CNTLN: variants seen among roughly 807,000 people sequenced by gnomAD.
CNTLN encodes the protein centlein, centrosomal protein.
CNTLN carries 212 observed loss-of-function variants against 180.0 expected under a neutral mutation model. The observed-to-expected ratio is 1.18, with a 90% confidence interval of 1.05 to 1.32. The LOEUF (loss-of-function observed/expected upper bound fraction) is 1.32. Ranked by LOEUF, CNTLN falls within the 40% of genes most tolerant of loss-of-function variation. The pLI, the probability that CNTLN is intolerant of heterozygous loss-of-function variation, is 0.00. For synonymous variants in CNTLN, 722 were observed against 563.1 expected (o/e 1.28, Z -3.99); for missense variants, 2,095 against 1,610.9 (o/e 1.30, Z -5.14).
intron 2 of CNTLN, among the ~76,000 whole-genome samples, chr9:17,177,148 G>A (rs531872077): frequency 9.2e-4 from 140 of 152,142 alleles, no homozygotes; most frequent in African/African-American, 3.2e-3. Flanking sequence ...GGTGGCTCAC[G>A]CCTGTAATCC....
intron 2 of CNTLN, among the ~76,000 whole-genome samples, chr9:17,150,912 G>C (rs754389513): frequency 6.6e-6 from 1 of 152,074 alleles, no homozygotes; most frequent in East Asian, 1.9e-4. Flanking sequence ...CTTAGTAGCA[G>C]TTGTGAATGG....
At chr9:17,477,391 A>T (rs145007856) in intron 23 of CNTLN, among the ~76,000 whole-genome samples, 145 of 152,324 alleles carry the variant, frequency 9.5e-4, no homozygotes, top group African/African-American at 3.0e-3. Flanking sequence ...TACATTTCAC[A>T]AGGCATAGCT....
chr9:17,463,544 G>A (rs1246437579), intron 20 of CNTLN, among the ~76,000 whole-genome samples: 3 of 151,554 alleles, frequency 2.0e-5, no homozygotes, highest in African/African-American at 7.3e-5. Context: ...ATAGTAAGAT[G>A]TTTAGATAGA....
At chr9:17,490,130 A>G (rs1440614319) in intron 25 of CNTLN, among the ~76,000 whole-genome samples, 1 of 152,128 alleles carries the variant, frequency 6.6e-6, no homozygotes, top group African/African-American at 2.4e-5. Context: ...AAATTATAAA[A>G]GCTTTTGAGC....
In CNTLN at chr9:17,342,546, A is replaced by T. The variant is rs1821567669; in HGVS notation, c.1886+102A>T. 3 of 1,099,064 alleles carry T rather than the reference A, an allele frequency of 2.7e-6. 1 individual carries two copies. Among genetic ancestry groups the T allele is most frequent in the Non-Finnish European group, 3.8e-6 (3 of 789,290 alleles). The allele number at this position is 1,099,064 out of a possible 1,614,324, so 68.1% of individuals were successfully genotyped here. ...AGAAACACTTTATAAAATTTGAAATAATCTGATTTTTGCCAATAAAAGTAA... is the reference window on the plus strand; with the variant it reads ...AGAAACACTTTATAAAATTTGAAATTATCTGATTTTTGCCAATAAAAGTAA... On this transcript the variant is annotated intron_variant, in intron 12 of 25. Transcript: ENST00000380647.
At chr9:17,359,725 C>CAAAAAAAAAAAAAAAAAAAAAA (rs1176814681) in intron 12 of CNTLN, among the ~76,000 whole-genome samples, 3 of 21,332 alleles carry the variant, frequency 1.4e-4, no homozygotes, top group Non-Finnish European at 3.0e-4. Flanking sequence ...ACTAAAAATA[C>CAAAAAAAAAAAAAAAAAAAAAA]AAAAAAAAAA....
chr9:17,337,237 A>C (rs1821111909), intron 10 of CNTLN, among the ~76,000 whole-genome samples: 1 of 152,208 alleles, frequency 6.6e-6, no homozygotes, highest in East Asian at 1.9e-4. Context: ...AGATTGCAAA[A>C]AATTTTTTCC....
chr9:17,307,958 G>C (rs533376908), intron 7 of CNTLN, among the ~76,000 whole-genome samples: 1 of 145,028 alleles, frequency 6.9e-6, no homozygotes, highest in Admixed American at 7.0e-5. Flanking sequence ...AGATTTTACT[G>C]TTAGCCTTTA....
At position 17,366,649 on chromosome 9, in the gene CNTLN, A is replaced by AAGT; in HGVS notation, c.1921_1923dup (p.Val641dup). 1 of 1,571,794 alleles carries AAGT rather than the reference A, an allele frequency of 6.4e-7. No homozygotes were observed. The highest frequency in any genetic ancestry group is 1.7e-5 in the Admixed American group (1 of 57,752). On this transcript the variant is annotated inframe_insertion, in exon 13 of 26. Coordinates refer to ENST00000380647, the MANE Select transcript of CNTLN (RefSeq NM_017738.4). The stretch of plus-strand genomic sequence containing the variant: ...CTTGAAGAAGAATTAGATGAACTTA[A>AAGT]AGTACATATATCTATTGATAAGGCA...
At chr9:17,148,715 C>T (rs1818627253) in intron 2 of CNTLN, among the ~76,000 whole-genome samples, 1 of 152,210 alleles carries the variant, frequency 6.6e-6, no homozygotes, top group South Asian at 2.1e-4. Context: ...CAGAGTGTCA[C>T]TTTATTTGAC....
chr9:17,274,491 ATCTATCTATCTATGTATCTT>A (rs1479136283), intron 6 of CNTLN, among the ~76,000 whole-genome samples: 3 of 147,342 alleles, frequency 2.0e-5, no homozygotes, highest in Non-Finnish European at 3.0e-5. Flanking sequence ...CTATCTATCT[ATCTATCTATCTATGTATCTT>A]TCTATCTATC....
intron 19 of CNTLN, among the ~76,000 whole-genome samples, chr9:17,458,777 C>A (rs183607657): frequency 2.6e-4 from 39 of 151,908 alleles, no homozygotes; most frequent in Admixed American, 2.6e-3. Context: ...CTTCTTTAGT[C>A]AATTTATGTG....
intron 19 of CNTLN, among the ~76,000 whole-genome samples, chr9:17,460,656 A>G (rs1281856867): frequency 6.6e-6 from 1 of 151,800 alleles, no homozygotes; most frequent in African/African-American, 2.4e-5. Context: ...TCAACCTGGC[A>G]TTGTTTTATT....
intron 6 of CNTLN, among the ~76,000 whole-genome samples, chr9:17,279,571 GA>G: frequency 6.6e-6 from 1 of 151,880 alleles, no homozygotes; most frequent in East Asian, 1.9e-4. Flanking sequence ...TTAGAACAGA[GA>G]AAAGCAAATG....
At chr9:17,524,944 A>AAACAAT in the CNTLN span, among the ~76,000 whole-genome samples, 6 of 152,288 alleles carry the variant, frequency 3.9e-5, no homozygotes, top group East Asian at 1.2e-3. Flanking sequence ...TTTTCCTCTT[A>AAACAAT]AACAATTTCA....
intron 18 of CNTLN, among the ~76,000 whole-genome samples, chr9:17,436,656 G>C (rs1264240257): frequency 3.9e-5 from 6 of 152,106 alleles, no homozygotes; most frequent in African/African-American, 1.4e-4. Flanking sequence ...GGAGTTATGT[G>C]ATTGTTACTG....
At chr9:17,236,272 C>T (rs1249196612) in intron 4 of CNTLN, 137 bp from the exon 5 acceptor site, 4 of 655,112 alleles carry the variant, frequency 6.1e-6, no homozygotes, top group Non-Finnish European at 9.8e-6. Context: ...CACAGGTGAC[C>T]TTGGCTATCA....
Position 17,376,960 on chromosome 9 carries a change from C to T in CNTLN, c.1987+10243C>T, listed in dbSNP as rs576644348. Among the ~76,000 whole-genome samples the T allele has an allele frequency of 1.3e-3, 202 of 152,134 alleles. 1 individual carries two copies. The highest frequency in any genetic ancestry group is 1.9e-3 in the Non-Finnish European group (132 of 67,972). On this transcript the variant is annotated intron_variant, in intron 13 of 25. Coordinates refer to ENST00000380647, the MANE Select transcript of CNTLN (RefSeq NM_017738.4). ...GAATTAATTTCTTTAAGATTAAAAA[C>T]AATTACAAAAAGAAATTAACACCTT...
chr9:17,360,928 A>G (rs1000190018), intron 12 of CNTLN, among the ~76,000 whole-genome samples: 1 of 152,114 alleles, frequency 6.6e-6, no homozygotes, highest in Non-Finnish European at 1.5e-5. Flanking sequence ...TAAAACATTC[A>G]GTTAGGTCAA....
Sources: gnomAD v4.1 joint callset for allele counts (sites outside exome capture counted in the v4.1 genomes callset) on GRCh38, gnomAD v4.1.1 for gene constraint, MANE v1.5 for transcripts, NCBI Gene and HGNC (gene_info 2026-07-23, HGNC 2026-07-21) for gene names.